SMARCA2: variants seen among roughly 807,000 people sequenced by gnomAD.
SMARCA2 encodes SWI/SNF related BAF chromatin remodeling complex subunit ATPase 2.
In SMARCA2, 61 loss-of-function variants were observed where a neutral mutation model predicts 199.8. The observed-to-expected ratio is 0.31, with a 90% CI of 0.25 to 0.38. The LOEUF (loss-of-function observed/expected upper bound fraction) is 0.38. SMARCA2 is among the 10% of genes least tolerant of loss of function. The pLI, the probability that SMARCA2 is intolerant of heterozygous loss-of-function variation, is 1.00. For synonymous variants in SMARCA2, 935 were observed against 732.0 expected (o/e 1.28, Z -4.48); for missense variants, 1,344 against 2,012.2 (o/e 0.67, Z 6.35).
At chr9:2,183,309 T>A (rs190960363) in intron 31 of SMARCA2, among the ~76,000 whole-genome samples, 214 of 152,354 alleles carry the variant, frequency 1.4e-3, no homozygotes, top group African/African-American at 5.0e-3. Context: ...AATTGCTTTT[T>A]AATCCTTTTT....
At chr9:2,163,931 T>G (rs1452876312) in intron 28 of SMARCA2, among the ~76,000 whole-genome samples, 1 of 152,084 alleles carries the variant, frequency 6.6e-6, no homozygotes, top group East Asian at 1.9e-4. Context: ...TACATAAACC[T>G]GGAGAGATTT....
intron 27 of SMARCA2, among the ~76,000 whole-genome samples, chr9:2,148,106 G>GCTC (rs1176498103): frequency 3.3e-5 from 5 of 151,714 alleles, no homozygotes; most frequent in African/African-American, 1.2e-4. Flanking sequence ...TGCTGCTGCT[G>GCTC]TTTTTAAAGA....
In SMARCA2 at chr9:2,017,297, G is replaced by T. The variant is rs1818397672; in HGVS notation, c.-37+1893G>T. The T allele has an allele frequency of 6.6e-6, 1 of 151,818 alleles. No homozygotes were observed. The highest frequency in any genetic ancestry group is 6.6e-5 in the Admixed American group (1 of 15,258). The allele number at this position is 151,818 out of a possible 1,614,324, so 9.4% of individuals were successfully genotyped here. On this transcript the variant is annotated intron_variant, in intron 1 of 33. Coordinates refer to ENST00000349721, the MANE Select transcript of SMARCA2 (RefSeq NM_003070.5). The surrounding 1 kb of genome is among the most constrained non-coding windows in gnomAD (Gnocchi z 8.8). ...CAGGAAAAAAAAAGTTTGGCAGGGCGGCTAAGTAGGGTGGAGGGGTGGGAG... is the reference window on the plus strand; with the variant it reads ...CAGGAAAAAAAAAGTTTGGCAGGGCTGCTAAGTAGGGTGGAGGGGTGGGAG...
chr9:2,147,280 T>C (rs1156857698), intron 27 of SMARCA2, among the ~76,000 whole-genome samples: 3 of 151,792 alleles, frequency 2.0e-5, no homozygotes, highest in Non-Finnish European at 4.4e-5. Flanking sequence ...TATGACCTTC[T>C]TTATGACCCC....
intron 29 of SMARCA2, among the ~76,000 whole-genome samples, chr9:2,178,466 A>G (rs949462335): frequency 2.0e-5 from 3 of 152,176 alleles, no homozygotes; most frequent in African/African-American, 7.2e-5. Flanking sequence ...GACATAATGG[A>G]AAACACCTTG....
chr9:2,017,334 C>G lies in SMARCA2; in HGVS notation c.-37+1930C>G, dbSNP rs985250228. ...TGGAGGGGTGGGAGGGGGCTGCGAG[C>G]TCCCGCGGCTCCAGCCTCCGCGCCC... On this transcript the variant is annotated intron_variant, in intron 1 of 33. Transcript: ENST00000349721. This position sits in a 1 kb window ranked among gnomAD's most constrained non-coding sequence, Gnocchi z 8.8. 11 of 151,768 alleles carry G rather than the reference C, an allele frequency of 7.2e-5. No homozygotes were observed. The highest frequency in any genetic ancestry group is 1.6e-4 in the Non-Finnish European group (11 of 68,190). 9.4% of individuals were successfully genotyped at this position (151,768 alleles called of 1,614,324 possible).
chr9:2,120,676 T>C (rs1330828889), intron 26 of SMARCA2, among the ~76,000 whole-genome samples: 1 of 152,146 alleles, frequency 6.6e-6, no homozygotes, highest in Non-Finnish European at 1.5e-5. Flanking sequence ...ACATTGATTG[T>C]ATATAATGAT....
intron 14 of SMARCA2, 39 bp downstream of exon 14, chr9:2,077,815 C>T (rs1236169634): frequency 5.1e-6 from 8 of 1,560,570 alleles, no homozygotes; most frequent in Non-Finnish European, 6.1e-6. Flanking sequence ...CAAGTTGTAA[C>T]CATTTACCTA....
chr9:2,038,420 T>A (rs375072058), intron 3 of SMARCA2, among the ~76,000 whole-genome samples: 1 of 152,176 alleles, frequency 6.6e-6, no homozygotes, highest in Non-Finnish European at 1.5e-5. Flanking sequence ...CTGTCTTGGT[T>A]CACTTCCGTC....
chr9:2,075,625 G>A (rs924286567), intron 12 of SMARCA2, among the ~76,000 whole-genome samples: 3 of 152,194 alleles, frequency 2.0e-5, no homozygotes, highest in African/African-American at 7.2e-5. Context: ...AGTCCCATGG[G>A]CATTATCAGA....
At position 2,191,390 on chromosome 9, in the gene SMARCA2, T is replaced by C. The variant is rs761563170; in HGVS notation, c.4719T>C (p.Asp1573=). The C allele has an allele frequency of 1.2e-6, 2 of 1,614,154 alleles. No individual in the cohort carries two copies. Among genetic ancestry groups the C allele is most frequent in the East Asian group, 2.2e-5 (1 of 44,890 alleles). The change falls in exon 33 of 34, where the codon GAT becomes GAC. Residue 1573 remains aspartate, a synonymous_variant. Transcript: ENST00000349721. ...CTGTAGTGAGCGATTTTGACAGCGA[T>C]GAGGAGCAGGATGAACGTGTAAGTG... ...AKPVVSDFDS[D]EEQDEREQSE...
At chr9:2,111,041 G>GTTTTTTTTT (rs371262213) in intron 24 of SMARCA2, among the ~76,000 whole-genome samples, 1 of 147,844 alleles carries the variant, frequency 6.8e-6, no homozygotes, top group African/African-American at 2.5e-5. Flanking sequence ...GTACTTTGAT[G>GTTTTTTTTT]TTTTGTTTTT....
rs941838971 is a variant in SMARCA2, at chr9:2,062,622, C to G, written c.1692+1636C>G. ...TGCATGATCTGTAAGTTGGCACGCC[C>G]CTTTCAAACCCTTGCCTTCAATTTG... On this transcript the variant is annotated intron_variant, in intron 9 of 33. Transcript: ENST00000349721. Among the ~76,000 whole-genome samples the G allele has an allele frequency of 3.3e-5, 5 of 152,098 alleles. No homozygotes were observed. The East Asian group carries it at 9.6e-4, about 29-fold the overall frequency.
At chr9:2,112,521 T>G (rs913550645) in intron 24 of SMARCA2, among the ~76,000 whole-genome samples, 3 of 152,128 alleles carry the variant, frequency 2.0e-5, no homozygotes, top group African/African-American at 7.2e-5. Flanking sequence ...GTTAAAAACT[T>G]TGAACTCTAG....
At chr9:2,058,773 C>A (rs938859260) in intron 8 of SMARCA2, among the ~76,000 whole-genome samples, 2 of 152,136 alleles carry the variant, frequency 1.3e-5, no homozygotes, top group African/African-American at 2.4e-5. Flanking sequence ...ATAACCAGAT[C>A]TGGAAGGATG....
At chr9:2,102,018 GT>G (rs1822538582) in intron 22 of SMARCA2, among the ~76,000 whole-genome samples, 1 of 152,144 alleles carries the variant, frequency 6.6e-6, no homozygotes, top group African/African-American at 2.4e-5. Context: ...AATGTTTACA[GT>G]TTTATAGTCA....
At position 2,161,462 on chromosome 9, in the gene SMARCA2, G is replaced by A. The variant is rs531663630; in HGVS notation, c.3982-224G>A. ...ACTGTGAGTGTTTTGGGCCTTCAGT[G>A]TGTTTTGCTCATGAAACAGACTTGA... On this transcript the variant is annotated intron_variant, in intron 27 of 33. Transcript: ENST00000349721. This position sits in a 1 kb window ranked among gnomAD's most constrained non-coding sequence, Gnocchi z 4.7. Among the ~76,000 whole-genome samples the A allele has an allele frequency of 6.6e-6, 1 of 152,228 alleles. No homozygotes were observed. Among genetic ancestry groups the A allele is most frequent in the South Asian group, 2.1e-4 (1 of 4,820 alleles).
At chr9:2,053,057 T>A (rs1011132978) in intron 5 of SMARCA2, among the ~76,000 whole-genome samples, 1 of 152,188 alleles carries the variant, frequency 6.6e-6, no homozygotes, top group East Asian at 1.9e-4. Flanking sequence ...AGGTTTGGGG[T>A]GCAGTTGATC....
chr9:2,123,616 C>T lies in SMARCA2; in HGVS notation c.3763-103C>T. 1 of 966,684 alleles carries T rather than the reference C, an allele frequency of 1.0e-6. No homozygotes were observed. The highest frequency in any genetic ancestry group is 1.4e-5 in the South Asian group (1 of 72,278). 59.9% of individuals were successfully genotyped at this position (966,684 alleles called of 1,614,324 possible). On this transcript the variant is annotated intron_variant, in intron 26 of 33. Transcript: ENST00000349721. The surrounding 1 kb of genome is among the most constrained non-coding windows in gnomAD (Gnocchi z 4.1). ...CCAGGATGAGAGAGGTTGAAAGGGA[C>T]CCTGCAGCCATAGGAAGTGACTTGG...
Sources: gnomAD v4.1 joint callset for allele counts (sites outside exome capture counted in the v4.1 genomes callset) on GRCh38, gnomAD v4.1.1 for gene constraint, Gnocchi (gnomAD v3.1) non-coding constraint, MANE v1.5 for transcripts, NCBI Gene and HGNC (gene_info 2026-07-23, HGNC 2026-07-21) for gene names.